The following KCNH1 variants were observed in gnomAD, a reference collection of about 807,000 sequenced individuals.
KCNH1 encodes the protein potassium voltage-gated channel subfamily H member 1.
A neutral mutation model predicts 69.2 loss-of-function variants in KCNH1; 27 were observed. That is an observed-to-expected ratio of 0.39 (90% CI 0.29 to 0.54). The LOEUF (loss-of-function observed/expected upper bound fraction) is 0.54. Among genes scored for constraint, KCNH1 ranks in the 20% least tolerant of loss-of-function variants. KCNH1 has a pLI of 0.68. For synonymous variants in KCNH1, 456 were observed against 487.7 expected, an observed-to-expected ratio of 0.93 and a Z score of 0.86; for missense variants, 798 against 1,261.6, an observed-to-expected ratio of 0.63 and a Z score of 5.57.
chr1:210,991,353 A>G (rs368143462), intron 6 of KCNH1, among the ~76,000 whole-genome samples: 6 of 152,214 alleles, frequency 3.9e-5, no homozygotes, highest in African/African-American at 1.4e-4. Flanking sequence ...AATAAGCCAG[A>G]CACAGAAAGA....
At chr1:210,990,479 A>G (rs1251143595) in intron 6 of KCNH1, among the ~76,000 whole-genome samples, 1 of 152,164 alleles carries the variant, frequency 6.6e-6, no homozygotes, top group Non-Finnish European at 1.5e-5. Flanking sequence ...GATTCATGAT[A>G]ATCTCGACAA....
chr1:211,086,253 A>G (rs1690950371), intron 4 of KCNH1, among the ~76,000 whole-genome samples: 1 of 152,168 alleles, frequency 6.6e-6, no homozygotes, highest in African/African-American at 2.4e-5. Flanking sequence ...GTCCCAAAGG[A>G]TAGGCGGTCC....
At chr1:210,710,522 T>C (rs1188603180) in intron 10 of KCNH1, among the ~76,000 whole-genome samples, 1 of 152,196 alleles carries the variant, frequency 6.6e-6, no homozygotes, top group East Asian at 1.9e-4. Flanking sequence ...TGTGCTACAA[T>C]GTAACAATGG....
chr1:210,736,519 G>A (rs551833051), intron 10 of KCNH1, among the ~76,000 whole-genome samples: 78 of 151,858 alleles, frequency 5.1e-4, no homozygotes, highest in Non-Finnish European at 9.9e-4. Context: ...TGCACTCCTG[G>A]GCAACAAGAG....
intron 7 of KCNH1, among the ~76,000 whole-genome samples, chr1:210,915,599 A>T (rs1205259816): frequency 6.6e-6 from 1 of 152,180 alleles, no homozygotes; most frequent in Non-Finnish European, 1.5e-5. Context: ...AAGACCCCAG[A>T]ATGGAAATTA....
intron 7 of KCNH1, among the ~76,000 whole-genome samples, chr1:210,842,396 A>G: frequency 6.6e-6 from 1 of 152,156 alleles, no homozygotes; most frequent in East Asian, 1.9e-4. Context: ...TAGACAGGGA[A>G]CACAGATGGT....
intron 5 of KCNH1, among the ~76,000 whole-genome samples, chr1:211,023,447 G>A (rs1689626970): frequency 6.6e-6 from 1 of 151,466 alleles, no homozygotes; most frequent in African/African-American, 2.4e-5. Flanking sequence ...ATGGATATAT[G>A]TACCCAATAG....
chr1:211,000,304 C>T (rs963284477), intron 6 of KCNH1, among the ~76,000 whole-genome samples: 2 of 152,294 alleles, frequency 1.3e-5, no homozygotes, highest in African/African-American at 2.4e-5. Context: ...TGATAAGCAA[C>T]TTCAGCAAAG....
chr1:210,714,073 CAT>C (rs1682150276), intron 10 of KCNH1, among the ~76,000 whole-genome samples: 1 of 152,140 alleles, frequency 6.6e-6, no homozygotes. Context: ...CTGTGAGACA[CAT>C]GTGAAGAAGA....
chr1:211,026,432 A>G (rs1462394299), intron 5 of KCNH1, among the ~76,000 whole-genome samples: 3 of 152,138 alleles, frequency 2.0e-5, no homozygotes, highest in South Asian at 4.2e-4. Flanking sequence ...TTCCAGCCAA[A>G]AGGAGTGGAA....
intron 5 of KCNH1, among the ~76,000 whole-genome samples, chr1:211,021,086 T>G (rs1031562248): frequency 6.6e-6 from 1 of 152,078 alleles, no homozygotes; most frequent in Non-Finnish European, 1.5e-5. Context: ...TCCTCACTCA[T>G]GAGTGGGGGC....
rs768180497 is a variant in KCNH1, at chr1:211,107,319, A to G, written c.138T>C (p.Asn46=). 1 of 1,613,366 alleles carries G rather than the reference A, an allele frequency of 6.2e-7. No homozygotes were observed. The highest frequency in any genetic ancestry group is 8.5e-7 in the Non-Finnish European group (1 of 1,179,824). ...AGCCAGACAGCTTGCAAAATCCATC[A>G]TTGCTGTACACAATAGGCCAGTCCA... ...QIVDWPIVYS[N]DGFCKLSGYH... The change falls in exon 2 of 11, where the codon AAT becomes AAC. Residue 46 remains asparagine (N), a synonymous_variant. Coordinates refer to ENST00000271751, the MANE Select transcript of KCNH1 (RefSeq NM_172362.3).
At chr1:210,811,753 GT>G (rs1180250432) in intron 7 of KCNH1, among the ~76,000 whole-genome samples, 2 of 152,134 alleles carry the variant, frequency 1.3e-5, no homozygotes, top group Non-Finnish European at 2.9e-5. Flanking sequence ...GAGCAAAATA[GT>G]AATGATAAAT....
At chr1:210,695,269 A>T (rs1485854247) in intron 10 of KCNH1, among the ~76,000 whole-genome samples, 1 of 152,142 alleles carries the variant, frequency 6.6e-6, no homozygotes, top group Non-Finnish European at 1.5e-5. Context: ...GCTCTGGGAG[A>T]TGCTCTGTTG....
At chr1:210,734,764 G>A (rs1682832420) in intron 10 of KCNH1, among the ~76,000 whole-genome samples, 1 of 152,016 alleles carries the variant, frequency 6.6e-6, no homozygotes, top group Admixed American at 6.6e-5. Context: ...GCTTCCTAGG[G>A]CCTGGAGAGG....
intron 5 of KCNH1, among the ~76,000 whole-genome samples, chr1:211,044,934 A>T (rs1391981201): frequency 1.3e-5 from 2 of 151,464 alleles, no homozygotes; most frequent in Non-Finnish European, 2.9e-5. Context: ...GTCATTATAT[A>T]AAAAGGATGC....
chr1:210,978,946 T>G (rs1190279245), intron 6 of KCNH1, among the ~76,000 whole-genome samples: 2 of 152,224 alleles, frequency 1.3e-5, no homozygotes, highest in Non-Finnish European at 2.9e-5. Context: ...GCCTCAAAGT[T>G]GGTCAACAGT....
intron 7 of KCNH1, among the ~76,000 whole-genome samples, chr1:210,805,541 G>T (rs1684533147): frequency 6.6e-6 from 1 of 151,768 alleles, no homozygotes; most frequent in African/African-American, 2.4e-5. Flanking sequence ...TCATTTTCTA[G>T]AATTTTATAT....
chr1:210,984,192 C>A (rs1688775102), intron 6 of KCNH1, among the ~76,000 whole-genome samples: 1 of 152,190 alleles, frequency 6.6e-6, no homozygotes, highest in African/African-American at 2.4e-5. Context: ...ATGGGGTTTT[C>A]TAGATATACA....
Sources: gnomAD v4.1 joint callset for allele counts (sites outside exome capture counted in the v4.1 genomes callset) on GRCh38, gnomAD v4.1.1 for gene constraint, MANE v1.5 for transcripts, NCBI Gene and HGNC (gene_info 2026-07-23, HGNC 2026-07-21) for gene names.